Variants in TAF11 observed in about 807,000 individuals in gnomAD.
TAF11 encodes transcription initiation factor TFIID subunit 11.
In TAF11, 10 loss-of-function variants were observed where a neutral mutation model predicts 23.0. That is an observed-to-expected ratio of 0.43 (90% CI 0.27 to 0.74). The LOEUF (loss-of-function observed/expected upper bound fraction) is 0.74. Among genes scored for constraint, TAF11 ranks in the 30% least tolerant of loss-of-function variants. The pLI is 0.19. For synonymous variants in TAF11, 85 were observed against 95.8 expected, an observed-to-expected ratio of 0.89 and a Z score of 0.66; for missense variants, 196 against 261.7, an observed-to-expected ratio of 0.75 and a Z score of 1.73.
chr6:34,882,527 C>T (rs1430026427), intron 2 of TAF11, among the ~76,000 whole-genome samples: 5 of 151,808 alleles, frequency 3.3e-5, no homozygotes. Context: ...GCCTGTAGTC[C>T]CAGCTACTCG....
In TAF11 at chr6:34,884,883, CATTT is replaced by C. The variant is rs541105479; in HGVS notation, c.172-1807_172-1804del. On this transcript the variant is annotated intron_variant, in intron 1 of 4. Coordinates refer to ENST00000361288, the MANE Select transcript of TAF11 (RefSeq NM_005643.4). Reference sequence around the variant, plus strand: ...ATCACCTATTTTTCTCAGATTTTCACATTTATTTGGCCTAAACTTGAACATTAAA... The same window carrying C: ...ATCACCTATTTTTCTCAGATTTTCACATTTGGCCTAAACTTGAACATTAAA... Among the ~76,000 whole-genome samples, 12 of 152,280 alleles carry C rather than the reference CATTT, an allele frequency of 7.9e-5. 1 individual carries two copies. The South Asian group carries it at 2.1e-3, about 26-fold the overall frequency.
chr6:34,883,127 G>C (rs1309336456), intron 1 of TAF11, 47 bp from the exon 2 acceptor site: 44 of 1,570,098 alleles, frequency 2.8e-5, no homozygotes, highest in Non-Finnish European at 3.7e-5. Flanking sequence ...CTACTTTCCA[G>C]GCTTGGGCAA....
At chr6:34,882,592 C>T (rs552792471) in intron 2 of TAF11, among the ~76,000 whole-genome samples, 8 of 150,566 alleles carry the variant, frequency 5.3e-5, no homozygotes, top group African/African-American at 2.0e-4. Flanking sequence ...TGCAGTGAGC[C>T]GAGATCACAC....
intron 1 of TAF11, 31 bp downstream of exon 1, chr6:34,887,756 C>A: frequency 6.2e-7 from 1 of 1,613,520 alleles, no homozygotes; most frequent in Non-Finnish European, 8.5e-7. Flanking sequence ...TCTGGGTATT[C>A]CTTCAGCCTC....
In TAF11 at chr6:34,880,412, A is replaced by C. The variant is rs764056989; in HGVS notation, c.321-36T>G. The C allele has an allele frequency of 6.3e-7, 1 of 1,583,832 alleles. No individual in the cohort carries two copies. On this transcript the variant is annotated intron_variant, in intron 2 of 4. Transcript: ENST00000361288. This position sits in a 1 kb window ranked among gnomAD's most constrained non-coding sequence, Gnocchi z 4.8. ...ATCCAGGTAACTAAGTTAACTTATA[A>C]GAACGAATACTCAAGATATTATGAA...
In TAF11 at chr6:34,878,639, G is replaced by A; in HGVS notation, c.587C>T (p.Ser196Leu). The change falls in exon 5 of 5, where the codon TCA (serine) becomes TTA (leucine). Residue 196 changes from serine to leucine, a missense_variant. Physicochemically the swap from Ser to Leu is moderately radical, Grantham distance 145. Transcript: ENST00000361288. The part of the protein sequence containing the change: ...HMREAVRRLK[S>L]KGQIPNSKHK... ...CTTCGAGTTAGGGATCTGTCCTTTTGACTTTAACCTTCTAACGGCTTCCCT... is the reference window on the plus strand; with the variant it reads ...CTTCGAGTTAGGGATCTGTCCTTTTAACTTTAACCTTCTAACGGCTTCCCT... 3 of 1,613,732 alleles carry A rather than the reference G, an allele frequency of 1.9e-6. No individual in the cohort carries two copies. The highest frequency in any genetic ancestry group is 2.5e-6 in the Non-Finnish European group (3 of 1,179,698).
Position 34,882,990 on chromosome 6 carries a change from T to G in TAF11, c.262A>C (p.Thr88Pro). ...TGCTTTTTCTCTTTCTTTTCTTTGG[T>G]ATCTATTTTCAGTTTTTTGGCTGCA... ...NPAAKKLKIDTKEKKEKKQKV... is the reference protein window; with the variant it reads ...NPAAKKLKIDPKEKKEKKQKV... Residue 88 changes from threonine (T) to proline (P), a missense_variant, in exon 2 of 5, where the codon ACC becomes CCC. Transcript: ENST00000361288. The G allele has an allele frequency of 6.2e-7, 1 of 1,611,664 alleles. No individual in the cohort carries two copies. Among genetic ancestry groups the G allele is most frequent in the African/African-American group, 1.3e-5 (1 of 74,980 alleles).
upstream of TAF11, chr6:34,888,064 AT>A: frequency 6.5e-7 from 1 of 1,534,942 alleles, no homozygotes; most frequent in Non-Finnish European, 8.7e-7. Flanking sequence ...TCGCGCAGCG[AT>A]GACATCACCC....
intron 1 of TAF11, among the ~76,000 whole-genome samples, chr6:34,887,317 T>G: frequency 6.6e-6 from 1 of 152,158 alleles, no homozygotes; most frequent in East Asian, 1.9e-4. Flanking sequence ...TATAAAAGTC[T>G]ATATCGATAT....
At chr6:34,879,445 G>C (rs531370034) in intron 4 of TAF11, 2 of 962,700 alleles carry the variant, frequency 2.1e-6, no homozygotes, top group Non-Finnish European at 2.5e-6. Context: ...CTGCACTCCA[G>C]CCTGGGTGAC....
intron 2 of TAF11, among the ~76,000 whole-genome samples, chr6:34,882,269 C>T (rs1041877602): frequency 3.3e-5 from 5 of 149,370 alleles, no homozygotes; most frequent in South Asian, 4.3e-4. Flanking sequence ...AACCAGAAGG[C>T]GGAGGTTGCA....
chr6:34,883,170 C>T, intron 1 of TAF11, 90 bp from the exon 2 acceptor site: 1 of 1,361,948 alleles, frequency 7.3e-7, no homozygotes, highest in East Asian at 2.4e-5. Flanking sequence ...CACAAAACAA[C>T]AAATCCATTT....
intron 1 of TAF11, among the ~76,000 whole-genome samples, chr6:34,884,383 A>G (rs1171136591): frequency 6.6e-6 from 1 of 151,510 alleles, no homozygotes; most frequent in Non-Finnish European, 1.5e-5. Context: ...ACGGACACAT[A>G]GAGGGGAACA....
chr6:34,884,215 C>T (rs763884609), intron 1 of TAF11, among the ~76,000 whole-genome samples: 1 of 152,176 alleles, frequency 6.6e-6, no homozygotes, highest in Non-Finnish European at 1.5e-5. Flanking sequence ...TTCCAGTATA[C>T]ACCATGAAAT....
intron 1 of TAF11, among the ~76,000 whole-genome samples, chr6:34,886,570 A>T (rs1315631228): frequency 1.3e-5 from 2 of 150,892 alleles, no homozygotes; most frequent in Non-Finnish European, 2.9e-5. Flanking sequence ...GGTTCAAGCG[A>T]TTCTTGTGCC....
At position 34,882,921 on chromosome 6, in the gene TAF11, A is replaced by C. The variant is rs771356530; in HGVS notation, c.320+11T>G. 6.3e-7 allele frequency: 1 copy of C among 1,589,202 alleles called. No individual in the cohort carries two copies. The highest frequency in any genetic ancestry group is 1.4e-5 in the African/African-American group (1 of 73,606). On this transcript the variant is annotated intron_variant, in intron 2 of 4. Transcript: ENST00000361288. ...AGCCTCGAAATGGGGAATGATAAGA[A>C]AGTGACTTACTGCATCTTCTGAATC...
chr6:34,883,213 G>GGA, intron 1 of TAF11, 133 bp from the exon 2 acceptor site: 1 of 827,186 alleles, frequency 1.2e-6, no homozygotes, highest in Non-Finnish European at 1.9e-6. Context: ...GGCACTGACT[G>GGA]TACCATCAAG....
At position 34,879,525 on chromosome 6, in the gene TAF11, A is replaced by G. The variant is rs933818905; in HGVS notation, c.505+442T>C. The G allele has an allele frequency of 8.1e-6, 8 of 985,044 alleles. No individual in the cohort carries two copies. In the African/African-American group the frequency reaches 1.4e-4, roughly 17 times the overall value. The allele number at this position is 985,044 out of a possible 1,614,324, so 61.0% of individuals were successfully genotyped here. ...ATATCTCCTGCTCAAAAAAAAAAAA[A>G]AAATTTCACCAGCTAGAGTAGCAAT... On this transcript the variant is annotated intron_variant, in intron 4 of 4. Transcript: ENST00000361288.
At chr6:34,882,270 G>A (rs1463501029) in intron 2 of TAF11, among the ~76,000 whole-genome samples, 11 of 151,548 alleles carry the variant, frequency 7.3e-5, no homozygotes, top group Admixed American at 5.9e-4. Context: ...ACCAGAAGGC[G>A]GAGGTTGCAG....
Sources: allele counts gnomAD v4.1 joint callset (sites outside exome capture counted in the v4.1 genomes callset), GRCh38; gene constraint gnomAD v4.1.1; non-coding constraint Gnocchi (gnomAD v3.1); transcripts MANE v1.5; gene names NCBI Gene and HGNC (gene_info 2026-07-23, HGNC 2026-07-21).